The following MACROD2 variants were observed in gnomAD, a reference collection of about 807,000 sequenced individuals.
The protein encoded by MACROD2 is ADP-ribose glycohydrolase MACROD2.
In MACROD2, 36 loss-of-function variants were observed where a neutral mutation model predicts 70.4. That is an observed-to-expected ratio of 0.51 (90% CI 0.39 to 0.68). The LOEUF (loss-of-function observed/expected upper bound fraction) is 0.68. MACROD2 is among the 30% of genes least tolerant of loss of function. The pLI, the probability that MACROD2 is intolerant of heterozygous loss-of-function variation, is 0.00. For missense variants in MACROD2, 496 were observed against 538.4 expected (o/e 0.92, Z 0.78); for synonymous variants, 172 against 178.8 (o/e 0.96, Z 0.30).
At chr20:15,609,583 C>T (rs2048938642) in intron 8 of MACROD2, among the ~76,000 whole-genome samples, 1 of 151,298 alleles carries the variant, frequency 6.6e-6, no homozygotes, top group South Asian at 2.1e-4. Flanking sequence ...AAAATCCTGC[C>T]CATGTGAGTG....
chr20:15,188,457 C>A (rs2076548005), intron 5 of MACROD2, among the ~76,000 whole-genome samples: 1 of 152,214 alleles, frequency 6.6e-6, no homozygotes, highest in South Asian at 2.1e-4. Flanking sequence ...GGTTCAGTGT[C>A]TGGGCAGGGC....
chr20:15,350,187 C>T (rs1319855704), intron 6 of MACROD2, among the ~76,000 whole-genome samples: 1 of 152,092 alleles, frequency 6.6e-6, no homozygotes, highest in African/African-American at 2.4e-5. Context: ...TTGCTTTTGG[C>T]ATTTGTTTTT....
chr20:14,977,273 G>T (rs1374141851), intron 5 of MACROD2, among the ~76,000 whole-genome samples: 1 of 149,468 alleles, frequency 6.7e-6, no homozygotes, highest in Non-Finnish European at 1.5e-5. Context: ...CAGCACATCA[G>T]ATCAAGCTCT....
chr20:15,255,711 T>C (rs1023006469), intron 6 of MACROD2, among the ~76,000 whole-genome samples: 16 of 152,248 alleles, frequency 1.1e-4, no homozygotes, highest in East Asian at 3.9e-4. Context: ...AGAGCACGTA[T>C]TTCTTTGAGT....
intron 6 of MACROD2, among the ~76,000 whole-genome samples, chr20:15,422,967 C>T (rs557642636): frequency 6.6e-6 from 1 of 152,276 alleles, no homozygotes; most frequent in African/African-American, 2.4e-5. Flanking sequence ...TACATTCCAT[C>T]TTCTGGTTTA....
At chr20:15,195,356 A>T (rs986526966) in intron 5 of MACROD2, among the ~76,000 whole-genome samples, 16 of 152,218 alleles carry the variant, frequency 1.1e-4, no homozygotes, top group Non-Finnish European at 2.1e-4. Context: ...TCTAATATCC[A>T]GATTCTATAA....
At chr20:15,572,910 C>A (rs1272381916) in intron 8 of MACROD2, among the ~76,000 whole-genome samples, 1 of 152,026 alleles carries the variant, frequency 6.6e-6, no homozygotes, top group African/African-American at 2.4e-5. Context: ...CAGAAAAATT[C>A]AAATTATAAA....
intron 3 of MACROD2, among the ~76,000 whole-genome samples, chr20:14,172,761 G>A (rs2081233310): frequency 6.6e-6 from 1 of 151,974 alleles, no homozygotes; most frequent in South Asian, 2.1e-4. Flanking sequence ...TGAGATTTAT[G>A]CTTTAAGGAG....
At chr20:14,122,774 G>C (rs542345086) in intron 3 of MACROD2, among the ~76,000 whole-genome samples, 1 of 152,144 alleles carries the variant, frequency 6.6e-6, no homozygotes, top group African/African-American at 2.4e-5. Context: ...GCTTCCATCT[G>C]TTCACTTTTC....
At chr20:14,950,941 A>T (rs1355031475) in intron 5 of MACROD2, among the ~76,000 whole-genome samples, 1 of 152,168 alleles carries the variant, frequency 6.6e-6, no homozygotes, top group Non-Finnish European at 1.5e-5. Context: ...ATGCAAAATC[A>T]CTAGGGAATT....
intron 3 of MACROD2, among the ~76,000 whole-genome samples, chr20:14,411,555 C>A (rs2083749323): frequency 6.6e-6 from 1 of 152,064 alleles, no homozygotes; most frequent in Admixed American, 6.6e-5. Flanking sequence ...ACCTAGAGAA[C>A]ACTTAAAATT....
At chr20:14,937,915 G>A (rs1037264682) in intron 5 of MACROD2, among the ~76,000 whole-genome samples, 1 of 151,354 alleles carries the variant, frequency 6.6e-6, no homozygotes, top group African/African-American at 2.4e-5. Flanking sequence ...TCCCATGTAC[G>A]ATTGATGTGA....
intron 5 of MACROD2, among the ~76,000 whole-genome samples, chr20:15,194,456 C>T (rs1443953288): frequency 2.6e-5 from 4 of 151,878 alleles, no homozygotes; most frequent in Non-Finnish European, 5.9e-5. Context: ...ACTTTGAAAA[C>T]TTCTAGACTT....
chr20:15,143,250 C>A (rs1358498958), intron 5 of MACROD2, among the ~76,000 whole-genome samples: 1 of 152,176 alleles, frequency 6.6e-6, no homozygotes, highest in African/African-American at 2.4e-5. Context: ...ATTTATATTT[C>A]TCTGATGGCC....
intron 6 of MACROD2, among the ~76,000 whole-genome samples, chr20:15,409,056 A>T (rs930529525): frequency 6.6e-6 from 1 of 152,204 alleles, no homozygotes; most frequent in African/African-American, 2.4e-5. Flanking sequence ...GCTATAAGAA[A>T]ATTAAATTAC....
At chr20:15,671,439 A>G (rs73242435) in intron 8 of MACROD2, among the ~76,000 whole-genome samples, 1,850 of 152,304 alleles carry the variant, frequency 0.012, 40 homozygotes, top group African/African-American at 0.042. Flanking sequence ...GGCCGTTTTT[A>G]TCGTCTCCCA....
intron 4 of MACROD2, among the ~76,000 whole-genome samples, chr20:14,654,821 A>G (rs1036027897): frequency 1.3e-5 from 2 of 152,198 alleles, no homozygotes; most frequent in Non-Finnish European, 2.9e-5. Flanking sequence ...CCCCCTTTTT[A>G]GCAAACACTG....
chr20:15,460,980 A>ATG (rs2046801715), intron 7 of MACROD2, among the ~76,000 whole-genome samples: 6 of 9,332 alleles, frequency 6.4e-4, no homozygotes, highest in African/African-American at 1.3e-3. Flanking sequence ...CTCTCTCCAT[A>ATG]TATATATATA....
chr20:14,978,868 A>G (rs1031323365), intron 5 of MACROD2, among the ~76,000 whole-genome samples: 1 of 119,484 alleles, frequency 8.4e-6, no homozygotes, highest in Non-Finnish European at 1.7e-5. Flanking sequence ...TATATAATAT[A>G]TTATATAATA....
Sources: gnomAD v4.1 joint callset for allele counts (sites outside exome capture counted in the v4.1 genomes callset) on GRCh38, gnomAD v4.1.1 for gene constraint, MANE v1.5 for transcripts, NCBI Gene and HGNC (gene_info 2026-07-23, HGNC 2026-07-21) for gene names.